CKB: variants seen among roughly 807,000 people sequenced by gnomAD.
CKB encodes the protein creatine kinase B-type.
CKB carries 15 observed loss-of-function variants against 36.9 expected under a neutral mutation model. The ratio of observed to expected loss-of-function variants is 0.41; its 90% CI spans 0.27 to 0.63. The LOEUF (loss-of-function observed/expected upper bound fraction) is 0.63. Among genes scored for constraint, CKB ranks in the 20% least tolerant of loss-of-function variants. The probability of loss-of-function intolerance (pLI) is 0.34; values close to 1 mark genes in which losing one functional copy is unlikely to be tolerated. For missense variants in CKB, 413 were observed against 534.9 expected, an observed-to-expected ratio of 0.77 and a Z score of 2.25; for synonymous variants, 250 against 228.2, an observed-to-expected ratio of 1.10 and a Z score of -0.86.
chr14:103,521,988 G>A (rs982496722), intron 3 of CKB, 35 bp downstream of exon 3: 3 of 1,547,052 alleles, frequency 1.9e-6, no homozygotes, highest in African/African-American at 1.4e-5. Flanking sequence ...CGAAGACCCC[G>A]GCCCCGCCCG....
In CKB at chr14:103,519,921, C is replaced by T; in HGVS notation, c.1089G>A (p.Met363Ile). Residue 363 changes from methionine (M) to isoleucine (I), a missense_variant, in exon 8 of 8, where the codon ATG becomes ATA. Physicochemically the swap from Met to Ile is conservative, Grantham distance 10. Transcript: ENST00000348956. ...CCTGGCCCTGCTCCAGCCGCTGCTC[C>T]ATCTCGATGAGCAGCTTCACTCCGT... ...VVDGVKLLIE[M>I]EQRLEQGQAI... 6.2e-7 allele frequency: 1 copy of T among 1,609,524 alleles called. No homozygotes were observed. The highest frequency in any genetic ancestry group is 8.5e-7 in the Non-Finnish European group (1 of 1,179,956).
chr14:103,522,187 G>A lies in CKB; in HGVS notation c.194-10C>T, dbSNP rs1182175246. ...ATGATGTACGGGTGGCCTGGGGGAGGGGGCGCGGGACGGGGACAGTGACGT... is the reference window on the plus strand; with the variant it reads ...ATGATGTACGGGTGGCCTGGGGGAGAGGGCGCGGGACGGGGACAGTGACGT... On this transcript the variant is annotated splice_polypyrimidine_tract_variant and intron_variant, in intron 2 of 7. Transcript: ENST00000348956. This position sits in a 1 kb window ranked among gnomAD's most constrained non-coding sequence, Gnocchi z 6.7. 6.2e-7 allele frequency: 1 copy of A among 1,601,072 alleles called. No individual in the cohort carries two copies.
At chr14:103,521,096 CAGG>C (rs1211346626) in intron 5 of CKB, 164 bp downstream of exon 5, 56 of 869,916 alleles carry the variant, frequency 6.4e-5, no homozygotes, top group Non-Finnish European at 9.4e-5. Context: ...GTCACCGGCG[CAGG>C]AGGAGGCGCG....
In CKB at chr14:103,522,446, G is replaced by A. The variant is rs2075910962; in HGVS notation, c.48C>T (p.Ala16=). ...SHNALKLRFP[A]EDEFPDLSAH... ...CGCTCAGGTCGGGGAACTCGTCCTC[G>A]GCCGGGAAGCGCAGCTTCAGTGCGT... Residue 16 remains alanine (A), a synonymous_variant, in exon 2 of 8, where the codon GCC becomes GCT. Transcript: ENST00000348956. The surrounding 1 kb of genome is among the most constrained non-coding windows in gnomAD (Gnocchi z 6.7). 1.9e-6 allele frequency: 3 copies of A among 1,609,954 alleles called. No individual in the cohort carries two copies. Among genetic ancestry groups the A allele is most frequent in the Middle Eastern group, 3.3e-4 (2 of 6,048 alleles).
intron 5 of CKB, chr14:103,520,862 T>G (rs1365282644): frequency 4.0e-6 from 2 of 500,818 alleles, no homozygotes; most frequent in Non-Finnish European, 7.2e-6. Context: ...ACAGTGGGGG[T>G]AGGAGCCCTG....
chr14:103,521,217 T>C lies in CKB; in HGVS notation c.653+46A>G, dbSNP rs199890528. The C allele has an allele frequency of 8.0e-4, 1,227 of 1,531,682 alleles. 19 individuals carry two copies. In the East Asian group the frequency reaches 0.023, roughly 29 times the overall value. 94.9% of individuals were successfully genotyped at this position (1,531,682 alleles called of 1,614,324 possible). A position where few individuals can be genotyped will look rare whatever the true frequency, so the allele number is the denominator to read the frequency against. ...AGGGGGGCGAGAGGGAAAGCGGAGG[T>C]AGCGGGGAGGGAGGACGCCGCGAGA... On this transcript the variant is annotated intron_variant, in intron 5 of 7. Coordinates refer to ENST00000348956, the MANE Select transcript of CKB (RefSeq NM_001823.5).
rs2075890897 is a variant in CKB, at chr14:103,520,274, A to G, written c.815T>C (p.Met272Thr). 5.6e-6 allele frequency: 9 copies of G among 1,613,142 alleles called. No individual in the cohort carries two copies. The highest frequency in any genetic ancestry group is 1.1e-5 in the South Asian group (1 of 91,074). Reference sequence around the variant, plus strand: ...GATGTAGCCCAGGTGAGGGTTCCACATGAACTCATAGTCCTTAGACTTGAA... The same window carrying G: ...GATGTAGCCCAGGTGAGGGTTCCACGTGAACTCATAGTCCTTAGACTTGAA... ...TLFKSKDYEFMWNPHLGYILT... is the reference protein window; with the variant it reads ...TLFKSKDYEFTWNPHLGYILT... The change falls in exon 7 of 8, where the codon ATG (methionine) becomes ACG (threonine). Residue 272 changes from methionine (M) to threonine (T), a missense_variant. Met to Thr is a moderately conservative substitution (Grantham distance 81). Around this residue, in one of 3 missense-constraint regions of CKB, gnomAD observed 314 missense variants for 409.4 expected, o/e 0.77. Transcript: ENST00000348956.
At position 103,521,248 on chromosome 14, in the gene CKB, C is replaced by T; in HGVS notation, c.653+15G>A. 1 of 1,578,554 alleles carries T rather than the reference C, an allele frequency of 6.3e-7. No homozygotes were observed. The highest frequency in any genetic ancestry group is 8.6e-7 in the Non-Finnish European group (1 of 1,167,272). ...GGAGGGAGGACGCCGCGAGAGGGCG[C>T]AGAGGGACACGCACCAGATACCGCG... is the stretch of plus-strand genomic sequence containing the variant. On this transcript the variant is annotated intron_variant, in intron 5 of 7. Transcript: ENST00000348956.
intron 5 of CKB, chr14:103,520,793 C>G (rs2075894640): frequency 6.7e-6 from 5 of 740,986 alleles, no homozygotes; most frequent in Non-Finnish European, 1.0e-5. Context: ...TGCCATCATG[C>G]GCTGTGGCCT....
At position 103,522,094 on chromosome 14, in the gene CKB, T is replaced by C; in HGVS notation, c.277A>G (p.Ile93Val). 6.3e-7 allele frequency: 1 copy of C among 1,577,274 alleles called. No individual in the cohort carries two copies. The highest frequency in any genetic ancestry group is 8.6e-7 in the Non-Finnish European group (1 of 1,162,222). ...TTGTAGCCGCCGTGCCGGTCCTCGATGATGGGGTCGAAGAGATCCTTGAAC... is the reference window on the plus strand; with the variant it reads ...TTGTAGCCGCCGTGCCGGTCCTCGACGATGGGGTCGAAGAGATCCTTGAAC... Reference protein sequence around the residue: ...EVFKDLFDPIIEDRHGGYKPS... With the variant: ...EVFKDLFDPIVEDRHGGYKPS... Residue 93 changes from isoleucine (I) to valine (V), a missense_variant, in exon 3 of 8, where the codon ATC becomes GTC. Ile to Val is a conservative substitution (Grantham distance 29, BLOSUM62 3). Coordinates refer to ENST00000348956, the MANE Select transcript of CKB (RefSeq NM_001823.5). This position sits in a 1 kb window ranked among gnomAD's most constrained non-coding sequence, Gnocchi z 6.7.
Position 103,522,590 on chromosome 14 carries a change from C to G in CKB, c.-12-85G>C. On this transcript the variant is annotated intron_variant, in intron 1 of 7. Transcript: ENST00000348956. This position sits in a 1 kb window ranked among gnomAD's most constrained non-coding sequence, Gnocchi z 6.7. ...ACCACTCAGGCCCCCGCCGCCGGGC[C>G]CCCCGGCGCCCCCCGGGACGCGGCC... 1 of 888,194 alleles carries G rather than the reference C, an allele frequency of 1.1e-6. No individual in the cohort carries two copies. Among genetic ancestry groups the G allele is most frequent in the Non-Finnish European group, 1.5e-6 (1 of 658,358 alleles). The allele number at this position is 888,194 out of a possible 1,614,324, so 55.0% of individuals were successfully genotyped here.
chr14:103,521,528 C>T (rs928652100), intron 4 of CKB, 94 bp from the exon 5 acceptor site: 10 of 1,208,690 alleles, frequency 8.3e-6, no homozygotes, highest in Middle Eastern at 2.9e-4. Context: ...CCTCGGGGGA[C>T]GTCAGAGGGC....
intron 5 of CKB, 96 bp downstream of exon 5, chr14:103,521,167 C>T (rs1292495725): frequency 2.7e-5 from 39 of 1,426,682 alleles, no homozygotes; most frequent in Non-Finnish European, 3.5e-5. Flanking sequence ...TCCTCCTCCT[C>T]GCCGCGAGGG....
In CKB at chr14:103,521,442, G is replaced by GGGTGC. The variant is rs1209725630; in HGVS notation, c.482-13_482-9dup. On this transcript the variant is annotated splice_polypyrimidine_tract_variant and intron_variant, in intron 4 of 7. Transcript: ENST00000348956. Reference sequence around the variant, plus strand: ...CGTCCAGGCTGGACAGGGCTGCGAGGGGTGCGCTCAGGACGCTCGGCTCCC... The same window carrying GGGTGC: ...CGTCCAGGCTGGACAGGGCTGCGAGGGGTGCGGTGCGCTCAGGACGCTCGGCTCCC... 7 of 1,580,844 alleles carry GGGTGC rather than the reference G, an allele frequency of 4.4e-6. No homozygotes were observed. The highest frequency in any genetic ancestry group is 6.0e-6 in the Non-Finnish European group (7 of 1,171,540).
At chr14:103,521,624 C>T (rs2075901701) in intron 4 of CKB, 190 bp from the exon 5 acceptor site, 3 of 927,534 alleles carry the variant, frequency 3.2e-6, no homozygotes, top group Non-Finnish European at 1.5e-6. Flanking sequence ...ACCCGCCCTC[C>T]CTGGGCCCCA....
In CKB at chr14:103,522,505, G is replaced by C. The variant is rs1300413936; in HGVS notation, c.-12C>G. 6.3e-7 allele frequency: 1 copy of C among 1,590,774 alleles called. No individual in the cohort carries two copies. ...TTGGAGAAGGGCATGGCGGCGGCGGGCTGCGGGGAGACGCGGGGTCAGAGG... is the reference window on the plus strand; with the variant it reads ...TTGGAGAAGGGCATGGCGGCGGCGGCCTGCGGGGAGACGCGGGGTCAGAGG... On this transcript the variant is annotated splice_region_variant and 5_prime_UTR_variant, in exon 2 of 8. Coordinates refer to ENST00000348956, the MANE Select transcript of CKB (RefSeq NM_001823.5). This position sits in a 1 kb window ranked among gnomAD's most constrained non-coding sequence, Gnocchi z 6.7.
At chr14:103,520,929 T>G (rs2075895653) in intron 5 of CKB, 18 of 495,750 alleles carry the variant, frequency 3.6e-5, no homozygotes, top group South Asian at 3.1e-4. Context: ...GGCGGAGGAG[T>G]GAGAAAAGAA....
chr14:103,519,838 G>A lies in CKB; in HGVS notation c.*26C>T, dbSNP rs776679085. ...CAGGCAATAAGTTAGGAAGCAGCAG[G>A]GCTGGTGTCGGGTGTGGGCCGGGCT... On this transcript the variant is annotated 3_prime_UTR_variant, in exon 8 of 8. Coordinates refer to ENST00000348956, the MANE Select transcript of CKB (RefSeq NM_001823.5). The A allele has an allele frequency of 5.7e-6, 9 of 1,576,966 alleles. No homozygotes were observed. The East Asian group carries it at 9.0e-5, about 16-fold the overall frequency.
At chr14:103,520,067 G>A in intron 7 of CKB, 25 bp from the exon 8 acceptor site, 2 of 1,608,144 alleles carry the variant, frequency 1.2e-6, no homozygotes, top group Non-Finnish European at 1.7e-6. Flanking sequence ...AGTCAGGGCG[G>A]AGGAAACAGG....
Sources: gnomAD v4.1 joint callset for allele counts on GRCh38, gnomAD v4.1.1 for gene constraint, gnomAD v4.1.1 regional missense constraint, Gnocchi (gnomAD v3.1) non-coding constraint, MANE v1.5 for transcripts, NCBI Gene and HGNC (gene_info 2026-07-23, HGNC 2026-07-21) for gene names.